The following CPNE4 variants were observed in gnomAD, a reference collection of about 807,000 sequenced individuals.
CPNE4 encodes copine 4.
In CPNE4, 25 loss-of-function variants were observed where a neutral mutation model predicts 67.9. That is an observed-to-expected ratio of 0.37 (90% confidence interval 0.27 to 0.51). CPNE4 has a LOEUF of 0.51. CPNE4 is among the 20% of genes least tolerant of loss of function. CPNE4 has a pLI of 0.93. For synonymous variants in CPNE4, 242 were observed against 244.9 expected (o/e 0.99, Z 0.11); for missense variants, 464 against 690.8 (o/e 0.67, Z 3.68).
intron 1 of CPNE4, among the ~76,000 whole-genome samples, chr3:131,962,561 C>T (rs1560690398): frequency 6.6e-6 from 1 of 152,168 alleles, no homozygotes; most frequent in African/African-American, 2.4e-5. Flanking sequence ...CTTGAATGTT[C>T]CTTCCTCCCC....
chr3:131,924,202 G>A lies in CPNE4; in HGVS notation c.-1-18758C>T, dbSNP rs1489729080. On this transcript the variant is annotated intron_variant, in intron 1 of 15. Transcript: ENST00000429747. ...CATGACATATCTTGTCTCCCTTACAGCTGCTAAGTCCTTATTTGTTTCCTT... is the reference window on the plus strand; with the variant it reads ...CATGACATATCTTGTCTCCCTTACAACTGCTAAGTCCTTATTTGTTTCCTT... Among the ~76,000 whole-genome samples, 3 of 152,268 alleles carry A rather than the reference G, an allele frequency of 2.0e-5. No homozygotes were observed. The East Asian group carries it at 5.8e-4, about 29-fold the overall frequency.
rs74331699 is a variant in CPNE4, at chr3:131,751,052, T to C, written c.181-27427A>G. On this transcript the variant is annotated intron_variant, in intron 2 of 15. Transcript: ENST00000429747. ...TTTTACCCTATAGGCAAAATGTCAT[T>C]TTTCTTTACCTGGTTTTAGATTTTT... 9.9e-3 allele frequency among the ~76,000 whole-genome samples: 1,501 copies of C among 152,228 alleles called. 19 individuals carry two copies. The highest frequency in any genetic ancestry group is 0.034 in the African/African-American group (1,423 of 41,564).
At chr3:131,922,083 A>T (rs1405907141) in intron 1 of CPNE4, among the ~76,000 whole-genome samples, 7 of 152,120 alleles carry the variant, frequency 4.6e-5, no homozygotes, top group African/African-American at 1.7e-4. Context: ...CCTTGCCCCC[A>T]ACTAGTAGTC....
intron 1 of CPNE4, among the ~76,000 whole-genome samples, chr3:131,996,796 C>A (rs1288271535): frequency 6.6e-6 from 1 of 151,970 alleles, no homozygotes; most frequent in Non-Finnish European, 1.5e-5. Flanking sequence ...GAGGGAATGG[C>A]CATATTGCTT....
intron 6 of CPNE4, among the ~76,000 whole-genome samples, chr3:131,676,146 C>T (rs778812849): frequency 2.1e-4 from 32 of 151,378 alleles, no homozygotes; most frequent in Non-Finnish European, 4.0e-4. Flanking sequence ...ACCTCCACCT[C>T]GTAGGTTCAA....
intron 7 of CPNE4, among the ~76,000 whole-genome samples, chr3:131,596,855 T>A (rs76811809): frequency 6.6e-6 from 1 of 152,054 alleles, no homozygotes; most frequent in East Asian, 1.9e-4. Flanking sequence ...CCCCCAACAA[T>A]AGCCAATTCC....
At chr3:131,755,972 A>G (rs977109343) in intron 2 of CPNE4, among the ~76,000 whole-genome samples, 3 of 152,170 alleles carry the variant, frequency 2.0e-5, no homozygotes, top group African/African-American at 7.2e-5. Flanking sequence ...GAGAATGCCA[A>G]TAAAATTATT....
chr3:131,669,136 C>A (rs2080336602), intron 7 of CPNE4, among the ~76,000 whole-genome samples: 1 of 151,874 alleles, frequency 6.6e-6, no homozygotes, highest in African/African-American at 2.4e-5. Context: ...TATGGCCCCA[C>A]CCCTTCTCTC....
chr3:131,822,781 T>C (rs2085005011), intron 2 of CPNE4, among the ~76,000 whole-genome samples: 2 of 152,344 alleles, frequency 1.3e-5, no homozygotes, highest in South Asian at 4.1e-4. Context: ...ACTTTCCTTA[T>C]TTCTCAGCAA....
intron 6 of CPNE4, 27 bp downstream of exon 6, chr3:131,685,848 G>C: frequency 1.4e-6 from 2 of 1,455,702 alleles, no homozygotes; most frequent in Non-Finnish European, 1.9e-6. Flanking sequence ...TAGGAGATAA[G>C]AGGGCATAGC....
intron 2 of CPNE4, among the ~76,000 whole-genome samples, chr3:131,897,729 T>C (rs1252494388): frequency 6.6e-6 from 1 of 151,962 alleles, no homozygotes; most frequent in Non-Finnish European, 1.5e-5. Context: ...ATCCCATCTC[T>C]ATGAAAAATA....
intron 2 of CPNE4, among the ~76,000 whole-genome samples, chr3:131,743,297 G>A (rs559274232): frequency 1.3e-5 from 2 of 152,154 alleles, no homozygotes; most frequent in Non-Finnish European, 2.9e-5. Flanking sequence ...CCATTGAAAA[G>A]GGCACTAGGA....
At chr3:131,806,549 C>CA (rs58302207) in intron 2 of CPNE4, among the ~76,000 whole-genome samples, 5,253 of 72,040 alleles carry the variant, frequency 0.073, 259 homozygotes, top group African/African-American at 0.14. Context: ...GACTCCGTCT[C>CA]AAAAAAAAAA....
At chr3:131,673,221 G>A (rs142133474) in intron 6 of CPNE4, among the ~76,000 whole-genome samples, 3 of 151,874 alleles carry the variant, frequency 2.0e-5, no homozygotes, top group African/African-American at 7.2e-5. Context: ...TGCCAGTACC[G>A]TGCTGTTTAC....
intron 1 of CPNE4, among the ~76,000 whole-genome samples, chr3:132,009,628 C>A (rs72994891): frequency 0.024 from 3,703 of 152,150 alleles, 138 homozygotes; most frequent in African/African-American, 0.081. Flanking sequence ...GGGAGAATGA[C>A]CCAGGTCATT....
At chr3:132,005,372 CAT>C (rs1190299225) in intron 1 of CPNE4, among the ~76,000 whole-genome samples, 5 of 46,970 alleles carry the variant, frequency 1.1e-4, no homozygotes, top group African/African-American at 1.1e-4. Flanking sequence ...CACACACACA[CAT>C]ATATGTTTAT....
chr3:131,721,224 T>C (rs987102276), intron 3 of CPNE4, among the ~76,000 whole-genome samples: 4 of 152,002 alleles, frequency 2.6e-5, no homozygotes, highest in Non-Finnish European at 4.4e-5. Flanking sequence ...CCTAGCATAA[T>C]GCCTGTCTTA....
intron 2 of CPNE4, among the ~76,000 whole-genome samples, chr3:131,802,340 T>G (rs2107916162): frequency 6.6e-6 from 1 of 152,312 alleles, no homozygotes; most frequent in East Asian, 1.9e-4. Context: ...CAGTTTATTC[T>G]AACAAGGTAA....
At chr3:131,934,744 A>G (rs968166639) in intron 1 of CPNE4, among the ~76,000 whole-genome samples, 10 of 152,204 alleles carry the variant, frequency 6.6e-5, no homozygotes, top group African/African-American at 2.4e-4. Context: ...TAACCCAGTT[A>G]GGAAGCAGAG....
Sources: gnomAD v4.1 joint callset for allele counts (sites outside exome capture counted in the v4.1 genomes callset) on GRCh38, gnomAD v4.1.1 for gene constraint, MANE v1.5 for transcripts, NCBI Gene and HGNC (gene_info 2026-07-23, HGNC 2026-07-21) for gene names.